Variants in MALRD1 observed in about 807,000 individuals in gnomAD.
MALRD1 encodes the protein MAM and LDL receptor class A domain containing 1.
Under a neutral mutation model 242.1 loss-of-function variants are expected in MALRD1, and 247 were observed. That is an observed-to-expected ratio of 1.02 (90% CI 0.92 to 1.13). MALRD1 has a LOEUF of 1.13. Among genes scored for constraint, MALRD1 ranks in the 50% most tolerant of loss-of-function variants. The pLI, the probability that MALRD1 is intolerant of heterozygous loss-of-function variation, is 0.00. For missense variants in MALRD1, 2,989 were observed against 2,533.1 expected, an observed-to-expected ratio of 1.18 and a Z score of -3.86; for synonymous variants, 995 against 866.6, an observed-to-expected ratio of 1.15 and a Z score of -2.60.
chr10:19,220,712 T>A (rs1261199607), intron 18 of MALRD1, among the ~76,000 whole-genome samples: 1 of 152,180 alleles, frequency 6.6e-6, no homozygotes, highest in Admixed American at 6.5e-5. Flanking sequence ...CTGGACACAC[T>A]GACAGGAAAT....
chr10:19,348,123 T>TC (rs1844213678), intron 25 of MALRD1, 105 bp downstream of exon 25: 1 of 1,385,802 alleles, frequency 7.2e-7, no homozygotes, highest in East Asian at 2.5e-5. Context: ...AGAGAAAAGA[T>TC]GAGTTTGAAT....
intron 5 of MALRD1, among the ~76,000 whole-genome samples, chr10:19,106,781 C>G (rs1048509384): frequency 6.6e-6 from 1 of 151,890 alleles, no homozygotes; most frequent in African/African-American, 2.4e-5. Flanking sequence ...ATAAACTCCT[C>G]TCTTAGAATT....
At chr10:19,463,444 T>C (rs1836047947) in intron 29 of MALRD1, among the ~76,000 whole-genome samples, 1 of 152,116 alleles carries the variant, frequency 6.6e-6, no homozygotes, top group Non-Finnish European at 1.5e-5. Flanking sequence ...GAGCATAGGA[T>C]GTTTGGTTTC....
chr10:19,067,041 C>A (rs750945772), intron 2 of MALRD1, among the ~76,000 whole-genome samples, 182 bp downstream of exon 2: 7 of 152,050 alleles, frequency 4.6e-5, no homozygotes, highest in Non-Finnish European at 7.4e-5. Flanking sequence ...TTTATGCATT[C>A]TTTAACCAGT....
chr10:19,671,627 A>G (rs1481154711), intron 36 of MALRD1, among the ~76,000 whole-genome samples: 2 of 152,218 alleles, frequency 1.3e-5, no homozygotes, highest in African/African-American at 4.8e-5. Flanking sequence ...CTCCGTCTCA[A>G]AAAAATAAAT....
At chr10:19,423,233 C>A (rs1013112977) in intron 28 of MALRD1, among the ~76,000 whole-genome samples, 1 of 151,950 alleles carries the variant, frequency 6.6e-6, no homozygotes, top group Non-Finnish European at 1.5e-5. Context: ...TACACACCTA[C>A]CACTCCATGG....
chr10:19,374,054 AG>A (rs1411899523), intron 26 of MALRD1, among the ~76,000 whole-genome samples: 9 of 152,320 alleles, frequency 5.9e-5, no homozygotes, highest in Admixed American at 2.0e-4. Flanking sequence ...GGGGACTTTA[AG>A]TTTGGCATCT....
At chr10:19,220,341 T>TGA (rs1474756323) in intron 18 of MALRD1, among the ~76,000 whole-genome samples, 1 of 151,888 alleles carries the variant, frequency 6.6e-6, no homozygotes, top group South Asian at 2.1e-4. Context: ...TGAATGAAAA[T>TGA]GAGAGAGAGA....
At chr10:19,732,284 C>A (rs747506543) in intron 39 of MALRD1, among the ~76,000 whole-genome samples, 1 of 151,984 alleles carries the variant, frequency 6.6e-6, no homozygotes, top group Non-Finnish European at 1.5e-5. Flanking sequence ...TTTTTTGAGA[C>A]GGAGTTTCAC....
chr10:19,130,155 G>T (rs1257692728), intron 8 of MALRD1, among the ~76,000 whole-genome samples: 1 of 151,964 alleles, frequency 6.6e-6, no homozygotes, highest in Non-Finnish European at 1.5e-5. Flanking sequence ...GTAACGTGTG[G>T]GGGGAGGAAG....
intron 22 of MALRD1, among the ~76,000 whole-genome samples, chr10:19,326,685 A>G (rs1348361794): frequency 1.3e-5 from 2 of 152,054 alleles, no homozygotes; most frequent in African/African-American, 4.8e-5. Context: ...ATGACTCTGG[A>G]AACTCCAATT....
At chr10:19,308,581 A>G (rs530636888) in intron 21 of MALRD1, among the ~76,000 whole-genome samples, 5 of 151,636 alleles carry the variant, frequency 3.3e-5, no homozygotes, top group African/African-American at 9.6e-5. Context: ...AGAAGATATC[A>G]TAATTCTCTA....
intron 33 of MALRD1, among the ~76,000 whole-genome samples, chr10:19,570,927 T>C (rs1004920757): frequency 2.6e-5 from 4 of 152,122 alleles, no homozygotes; most frequent in African/African-American, 9.6e-5. Flanking sequence ...AAGTATAAAG[T>C]CATGATACAT....
chr10:19,474,616 C>A (rs1420271919), intron 29 of MALRD1, among the ~76,000 whole-genome samples: 2 of 151,926 alleles, frequency 1.3e-5, no homozygotes, highest in East Asian at 3.8e-4. Context: ...ATTTTAATAA[C>A]ATCTGCTAAT....
At chr10:19,537,451 T>C (rs1415096718) in intron 32 of MALRD1, among the ~76,000 whole-genome samples, 2 of 152,140 alleles carry the variant, frequency 1.3e-5, no homozygotes, top group Non-Finnish European at 2.9e-5. Flanking sequence ...ACCAGACCTT[T>C]TTTGTGACTT....
chr10:19,084,623 A>C (rs1467017458), intron 2 of MALRD1, among the ~76,000 whole-genome samples: 1 of 151,944 alleles, frequency 6.6e-6, no homozygotes, highest in South Asian at 2.1e-4. Flanking sequence ...AGTGAGACCG[A>C]AAATTCTACC....
chr10:19,450,559 A>G, intron 29 of MALRD1, 69 bp downstream of exon 29: 1 of 1,326,440 alleles, frequency 7.5e-7, no homozygotes, highest in Non-Finnish European at 1.0e-6. Context: ...TTTGTTACAC[A>G]AGTTTACAAT....
chr10:19,700,866 G>T (rs1833591118), intron 38 of MALRD1, among the ~76,000 whole-genome samples: 1 of 152,090 alleles, frequency 6.6e-6, no homozygotes, highest in Non-Finnish European at 1.5e-5. Flanking sequence ...CAAGAGAGAA[G>T]GATTCCCTCA....
At chr10:19,333,939 T>A (rs969535272) in intron 24 of MALRD1, among the ~76,000 whole-genome samples, 1 of 152,140 alleles carries the variant, frequency 6.6e-6, no homozygotes, top group African/African-American at 2.4e-5. Flanking sequence ...GCCCCTTGTT[T>A]GTCTTCTTTT....
Sources: allele counts gnomAD v4.1 joint callset (sites outside exome capture counted in the v4.1 genomes callset), GRCh38; gene constraint gnomAD v4.1.1; transcripts MANE v1.5; gene names NCBI Gene and HGNC (gene_info 2026-07-23, HGNC 2026-07-21).